The following ATP8B1 variants were observed in gnomAD, a reference collection of about 807,000 sequenced individuals.
ATP8B1 encodes ATPase phospholipid transporting 8B1.
Under a neutral mutation model 149.9 loss-of-function variants are expected in ATP8B1, and 80 were observed. That is an observed-to-expected ratio of 0.53 (90% CI 0.45 to 0.64). The LOEUF (loss-of-function observed/expected upper bound fraction) is 0.64, where lower values mean the gene tolerates loss of function less well. Among genes scored for constraint, ATP8B1 ranks in the 30% least tolerant of loss-of-function variants. The pLI is 0.00. For missense variants in ATP8B1, 1,247 were observed against 1,552.6 expected, an observed-to-expected ratio of 0.80 and a Z score of 3.31; for synonymous variants, 536 against 562.8, an observed-to-expected ratio of 0.95 and a Z score of 0.67.
chr18:57,752,271 T>G (rs558425834), intron 1 of ATP8B1, among the ~76,000 whole-genome samples: 191 of 150,924 alleles, frequency 1.3e-3, no homozygotes, highest in Non-Finnish European at 2.4e-3. Flanking sequence ...TGCAAGATCA[T>G]GGCCTATTCC....
chr18:57,738,362 G>A (rs1259091130), intron 1 of ATP8B1, among the ~76,000 whole-genome samples: 1 of 152,312 alleles, frequency 6.6e-6, no homozygotes, highest in South Asian at 2.1e-4. Flanking sequence ...GGTGGCTCAC[G>A]CCTGTAATCC....
At chr18:57,797,389 T>G (rs555274077) in intron 1 of ATP8B1, among the ~76,000 whole-genome samples, 1 of 152,206 alleles carries the variant, frequency 6.6e-6, no homozygotes, top group Admixed American at 6.5e-5. Flanking sequence ...GTGCCAGGCT[T>G]CTCAATCACG....
intron 1 of ATP8B1, among the ~76,000 whole-genome samples, chr18:57,733,298 C>A (rs775577860): frequency 3.3e-5 from 5 of 152,162 alleles, no homozygotes; most frequent in Admixed American, 6.5e-5. Context: ...TAGACATGTG[C>A]TCTTTGAAAC....
chr18:57,759,000 A>G (rs1456823866), intron 1 of ATP8B1, among the ~76,000 whole-genome samples: 2 of 151,832 alleles, frequency 1.3e-5, no homozygotes, highest in Non-Finnish European at 2.9e-5. Context: ...TACTAAAAAT[A>G]CAAAAATTAT....
At chr18:57,793,315 C>T (rs939643375) in intron 1 of ATP8B1, among the ~76,000 whole-genome samples, 4 of 152,092 alleles carry the variant, frequency 2.6e-5, no homozygotes, top group South Asian at 2.1e-4. Context: ...TGTCCTTTCT[C>T]CTCTGTCTTT....
At chr18:57,729,537 T>TTTTC (rs1170761268) in intron 2 of ATP8B1, among the ~76,000 whole-genome samples, 11 of 114,360 alleles carry the variant, frequency 9.6e-5, no homozygotes, top group African/African-American at 3.3e-4. Flanking sequence ...GGGAATTCCA[T>TTTTC]TTTCTTTCTT....
intron 15 of ATP8B1, among the ~76,000 whole-genome samples, chr18:57,676,882 C>T (rs1008149720): frequency 2.6e-5 from 4 of 152,090 alleles, no homozygotes; most frequent in African/African-American, 4.8e-5. Flanking sequence ...TTCAGTGGCA[C>T]GTGCCTATAA....
At chr18:57,750,646 C>T (rs2080007527) in intron 1 of ATP8B1, among the ~76,000 whole-genome samples, 1 of 152,202 alleles carries the variant, frequency 6.6e-6, no homozygotes, top group Admixed American at 6.5e-5. Flanking sequence ...CTGGCTATTG[C>T]CCTACCCATC....
In ATP8B1 at chr18:57,691,885, G is replaced by A. The variant is rs778153728; in HGVS notation, c.1142C>T (p.Pro381Leu). 2.5e-6 allele frequency: 4 copies of A among 1,613,986 alleles called. No individual in the cohort carries two copies. Among genetic ancestry groups the A allele is most frequent in the Non-Finnish European group, 3.4e-6 (4 of 1,180,006 alleles). ...WYLYDGEDDTPSYRGFLIFWG... is the reference protein window; with the variant it reads ...WYLYDGEDDTLSYRGFLIFWG... ...GAAAATGAGGAATCCACGGTAGGAG[G>A]GTGTATCGTCTTCTCCATCATAGAG... The change falls in exon 12 of 28, where the codon CCC becomes CTC. Residue 381 changes from proline (P) to leucine (L), a missense_variant. Around this residue, in one of 3 missense-constraint regions of ATP8B1, gnomAD observed 853 missense variants for 1,035.7 expected, o/e 0.82. Transcript: ENST00000648908.
intron 1 of ATP8B1, among the ~76,000 whole-genome samples, chr18:57,800,214 G>A (rs900631482): frequency 3.9e-5 from 6 of 152,180 alleles, no homozygotes; most frequent in Non-Finnish European, 8.8e-5. Flanking sequence ...TTGTTCTGGG[G>A]CCAGGCACAG....
chr18:57,717,547 C>CAAAAAAAAAAAAAAAAAA (rs1163024544), intron 2 of ATP8B1, among the ~76,000 whole-genome samples: 1 of 19,918 alleles, frequency 5.0e-5, no homozygotes, highest in African/African-American at 2.5e-4. Context: ...GACTCTGTCT[C>CAAAAAAAAAAAAAAAAAA]AAAAAAAAAA....
chr18:57,752,348 G>A (rs56988728), intron 1 of ATP8B1, among the ~76,000 whole-genome samples: 24,976 of 151,960 alleles, frequency 0.16, 2,303 homozygotes, highest in African/African-American at 0.24. Flanking sequence ...TAGACAGATA[G>A]GGGATGAAAT....
At chr18:57,693,325 GA>G (rs1393888757) in intron 11 of ATP8B1, among the ~76,000 whole-genome samples, 1 of 152,130 alleles carries the variant, frequency 6.6e-6, no homozygotes, top group Admixed American at 6.5e-5. Context: ...TGCTTCCTCC[GA>G]AGGCCGGCTT....
chr18:57,728,480 A>G (rs1276257506), intron 2 of ATP8B1, among the ~76,000 whole-genome samples: 4 of 152,166 alleles, frequency 2.6e-5, no homozygotes, highest in Non-Finnish European at 5.9e-5. Context: ...GGGAGGAAAG[A>G]AGGAGAGCAG....
In ATP8B1 at chr18:57,669,229, A is replaced by G. The variant is rs58094309; in HGVS notation, c.2097+89T>C. On this transcript the variant is annotated intron_variant, in intron 18 of 27. Transcript: ENST00000648908. The stretch of plus-strand genomic sequence containing the variant: ...ATGCTGAAGTTACAATTATCTCTTA[A>G]GCATGAGATCAAATATTCAATAAAA... The G allele has an allele frequency of 0.039, 51,200 of 1,326,986 alleles. 1,904 individuals are homozygous for G. The highest frequency in any genetic ancestry group is 0.18 in the East Asian group (7,648 of 42,630). The allele number at this position is 1,326,986 out of a possible 1,614,324, so 82.2% of individuals were successfully genotyped here. A position where few individuals can be genotyped will look rare whatever the true frequency, so the allele number is the denominator to read the frequency against.
At chr18:57,727,737 A>G (rs2079722935) in intron 2 of ATP8B1, among the ~76,000 whole-genome samples, 1 of 152,192 alleles carries the variant, frequency 6.6e-6, no homozygotes, top group African/African-American at 2.4e-5. Flanking sequence ...CAGTGAGCCG[A>G]TATCGCGCCT....
chr18:57,666,109 A>T (rs1472213998), intron 20 of ATP8B1, among the ~76,000 whole-genome samples: 1 of 152,214 alleles, frequency 6.6e-6, no homozygotes, highest in Non-Finnish European at 1.5e-5. Context: ...TAACAGTTTA[A>T]TCTGACCTCA....
intron 1 of ATP8B1, among the ~76,000 whole-genome samples, chr18:57,795,252 T>C (rs1170983212): frequency 2.0e-5 from 3 of 151,766 alleles, no homozygotes; most frequent in Admixed American, 2.0e-4. Flanking sequence ...TTTTTTCTTT[T>C]ATTAGCTGGG....
chr18:57,664,389 C>T (rs1304720600), intron 20 of ATP8B1, among the ~76,000 whole-genome samples: 1 of 150,868 alleles, frequency 6.6e-6, no homozygotes, highest in Non-Finnish European at 1.5e-5. Flanking sequence ...GCCTGTAATC[C>T]CAGTTACTTG....
Sources: allele counts gnomAD v4.1 joint callset (sites outside exome capture counted in the v4.1 genomes callset), GRCh38; gene constraint gnomAD v4.1.1; regional missense constraint gnomAD v4.1.1; transcripts MANE v1.5; gene names NCBI Gene and HGNC (gene_info 2026-07-23, HGNC 2026-07-21).